MGST1: variants seen among roughly 807,000 people sequenced by gnomAD.
The protein encoded by MGST1 is microsomal glutathione S-transferase 1.
A neutral mutation model predicts 8.9 loss-of-function variants in MGST1; 5 were observed. The ratio of observed to expected loss-of-function variants is 0.56; its 90% CI spans 0.29 to 1.19. The LOEUF is 1.19. Ranked by LOEUF, MGST1 falls within the 50% of genes most tolerant of loss-of-function variation. The pLI is 0.08. For synonymous variants in MGST1, 54 were observed against 67.8 expected (o/e 0.80, Z 1.00); for missense variants, 182 against 187.4 (o/e 0.97, Z 0.17).
At chr12:16,492,511 G>GC (rs1231890906) in intron 4 of MGST1, among the ~76,000 whole-genome samples, 3 of 152,088 alleles carry the variant, frequency 2.0e-5, no homozygotes, top group Non-Finnish European at 4.4e-5. Context: ...CATCTAAAGG[G>GC]CCTCTGAATG....
At chr12:16,469,389 A>G (rs1165509905) in intron 4 of MGST1, among the ~76,000 whole-genome samples, 1 of 152,054 alleles carries the variant, frequency 6.6e-6, no homozygotes, top group African/African-American at 2.4e-5. Context: ...AGGTTTCACC[A>G]TGTTGACTAG....
In MGST1 at chr12:16,559,982, T is replaced by C. The variant is rs1942333709; in HGVS notation, n.483-29546T>C. ...ATTTAAAAAAGCAAAAACAAAAACA[T>C]GAGGGATAAGGAATTTAAAATATAA... On this transcript the variant is annotated intron_variant and non_coding_transcript_variant, in intron 4 of 4. Coordinates refer to the MGST1 transcript ENST00000538857. This position sits in a 1 kb window ranked among gnomAD's most constrained non-coding sequence, Gnocchi z 4.1. 6.6e-6 allele frequency among the ~76,000 whole-genome samples: 1 copy of C among 151,268 alleles called. No individual in the cohort carries two copies. The highest frequency in any genetic ancestry group is 1.5e-5 in the Non-Finnish European group (1 of 67,796).
intron 4 of MGST1, among the ~76,000 whole-genome samples, chr12:16,485,344 T>G (rs1353279206): frequency 1.3e-5 from 2 of 152,240 alleles, no homozygotes; most frequent in Non-Finnish European, 2.9e-5. Context: ...GATATTTATG[T>G]TTAATTAAAA....
At chr12:16,505,641 G>A (rs1347319657) in intron 4 of MGST1, among the ~76,000 whole-genome samples, 1 of 151,900 alleles carries the variant, frequency 6.6e-6, no homozygotes, top group African/African-American at 2.4e-5. Context: ...TATTAATTGG[G>A]CCCTCTTCAC....
chr12:16,417,382 C>T (rs1940796993), intron 1 of MGST1, among the ~76,000 whole-genome samples: 1 of 152,102 alleles, frequency 6.6e-6, no homozygotes, highest in South Asian at 2.1e-4. Context: ...GAAGTCCCTC[C>T]CCAACACATG....
In MGST1 at chr12:16,458,322, A is replaced by G. The variant is rs896023951; in HGVS notation, n.482+74718A>G. On this transcript the variant is annotated intron_variant and non_coding_transcript_variant, in intron 4 of 4. Transcript: ENST00000538857. The surrounding 1 kb of genome is among the most constrained non-coding windows in gnomAD (Gnocchi z 4.0). ...CAGATTGCTTATGCTGATCGCAATG[A>G]TTTGAAGTTGTGATTACCATAAGCA... 1.3e-5 allele frequency among the ~76,000 whole-genome samples: 2 copies of G among 152,032 alleles called. No homozygotes were observed. Among genetic ancestry groups the G allele is most frequent in the African/African-American group, 4.8e-5 (2 of 41,428 alleles).
intron 4 of MGST1, among the ~76,000 whole-genome samples, chr12:16,492,708 A>T (rs1388866301): frequency 6.6e-6 from 1 of 152,284 alleles, no homozygotes; most frequent in African/African-American, 2.4e-5. Flanking sequence ...GATTTTTTTA[A>T]AAAGGTCATT....
chr12:16,563,110 C>A (rs1296148652), intron 4 of MGST1, among the ~76,000 whole-genome samples: 2 of 152,180 alleles, frequency 1.3e-5, no homozygotes, highest in East Asian at 3.8e-4. Context: ...ACTCTGATAT[C>A]CTAATGATGA....
intron 4 of MGST1, among the ~76,000 whole-genome samples, chr12:16,557,545 G>A (rs1942238494): frequency 6.6e-6 from 1 of 151,986 alleles, no homozygotes; most frequent in Non-Finnish European, 1.5e-5. Flanking sequence ...ATCATGCTCT[G>A]TGAATTTAAC....
At chr12:16,534,011 C>G (rs528620476) in intron 4 of MGST1, among the ~76,000 whole-genome samples, 1 of 152,142 alleles carries the variant, frequency 6.6e-6, no homozygotes, top group African/African-American at 2.4e-5. Flanking sequence ...TGGTTTATTA[C>G]GGTGAGGTGG....
intron 4 of MGST1, among the ~76,000 whole-genome samples, chr12:16,532,206 C>A (rs1339158769): frequency 2.6e-5 from 4 of 152,102 alleles, no homozygotes; most frequent in Non-Finnish European, 5.9e-5. Flanking sequence ...TGTTTTTCTT[C>A]AAGAAGCCTC....
At chr12:16,475,349 C>A (rs999585586) in intron 4 of MGST1, among the ~76,000 whole-genome samples, 2 of 152,062 alleles carry the variant, frequency 1.3e-5, no homozygotes, top group Non-Finnish European at 2.9e-5. Flanking sequence ...CTGATGAATA[C>A]AATTTTAAAA....
chr12:16,468,467 C>G (rs1176955503), intron 4 of MGST1, among the ~76,000 whole-genome samples: 1 of 152,144 alleles, frequency 6.6e-6, no homozygotes, highest in Non-Finnish European at 1.5e-5. Flanking sequence ...ATCTTCCTAT[C>G]AAGAAATGAC....
chr12:16,492,627 G>A (rs993389039), intron 4 of MGST1, among the ~76,000 whole-genome samples: 2 of 152,072 alleles, frequency 1.3e-5, no homozygotes, highest in African/African-American at 4.8e-5. Context: ...AATCTTTTCT[G>A]GAGTGATAAT....
chr12:16,386,496 T>C (rs1000080146), intron 1 of MGST1, among the ~76,000 whole-genome samples: 3 of 152,210 alleles, frequency 2.0e-5, no homozygotes, highest in Admixed American at 6.5e-5. Context: ...ACTTGCATCA[T>C]TAAACTTTTC....
At chr12:16,556,653 G>A (rs888558178) in intron 4 of MGST1, among the ~76,000 whole-genome samples, 1 of 152,120 alleles carries the variant, frequency 6.6e-6, no homozygotes, top group Non-Finnish European at 1.5e-5. Context: ...GCAATATTGC[G>A]ACAATGATTT....
At chr12:16,514,346 G>A in intron 4 of MGST1, 1 of 301,896 alleles carries the variant, frequency 3.3e-6, no homozygotes, top group African/African-American at 2.2e-5. Flanking sequence ...CCCCTCAATG[G>A]GACCCGTTTG....
intron 4 of MGST1, among the ~76,000 whole-genome samples, chr12:16,531,075 T>C (rs1352457756): frequency 1.4e-5 from 2 of 143,384 alleles, no homozygotes; most frequent in Non-Finnish European, 1.5e-5. Context: ...GTGCTTTTAG[T>C]AGTAATTCAG....
intron 1 of MGST1, among the ~76,000 whole-genome samples, chr12:16,387,371 T>C (rs12580698): frequency 0.19 from 28,811 of 152,056 alleles, 2,906 homozygotes; most frequent in East Asian, 0.39. Flanking sequence ...TTTATGTTGA[T>C]GCTGGTGCAC....
Sources: allele counts gnomAD v4.1 joint callset (sites outside exome capture counted in the v4.1 genomes callset), GRCh38; gene constraint gnomAD v4.1.1; non-coding constraint Gnocchi (gnomAD v3.1); transcripts MANE v1.5; gene names NCBI Gene and HGNC (gene_info 2026-07-23, HGNC 2026-07-21).